The following WNK1 variants were observed in gnomAD, a reference collection of about 807,000 sequenced individuals.
WNK1 encodes serine/threonine-protein kinase WNK1.
A neutral mutation model predicts 222.8 loss-of-function variants in WNK1; 38 were observed. That is an observed-to-expected ratio of 0.17 (90% CI 0.13 to 0.22). The LOEUF (loss-of-function observed/expected upper bound fraction) is 0.22, where lower values mean the gene tolerates loss of function less well. WNK1 is among the 10% of genes least tolerant of loss of function. WNK1 has a pLI of 1.00. For synonymous variants in WNK1, 1,090 were observed against 1,092.9 expected (o/e 1.00, Z 0.05); for missense variants, 2,348 against 2,918.4 (o/e 0.80, Z 4.50).
At chr12:806,986 G>T (rs533842512) in intron 1 of WNK1, among the ~76,000 whole-genome samples, 2 of 151,986 alleles carry the variant, frequency 1.3e-5, no homozygotes, top group Non-Finnish European at 2.9e-5. Context: ...AAATCTTCTC[G>T]CTGGGCTTCT....
intron 1 of WNK1, among the ~76,000 whole-genome samples, chr12:758,024 G>A (rs1940411235): frequency 8.1e-6 from 1 of 123,300 alleles, no homozygotes. Context: ...GACAGGGTGA[G>A]ACTCTGTCTC....
At chr12:881,142 C>T (rs577742595) in intron 12 of WNK1, 143 bp downstream of exon 12, 5 of 1,108,524 alleles carry the variant, frequency 4.5e-6, no homozygotes, top group Non-Finnish European at 6.5e-6. Flanking sequence ...CTTTTTCTTA[C>T]AGCAGAATGA....
chr12:830,022 C>G lies in WNK1; in HGVS notation c.1173C>G (p.Ala391=). The change falls in exon 4 of 28, where the codon GCC becomes GCG. Residue 391 remains alanine (A), a synonymous_variant. Coordinates refer to ENST00000315939, the MANE Select transcript of WNK1 (RefSeq NM_018979.4). ...TTTAAGGTACCCCAGAGTTCATGGC[C>G]CCTGAGATGTATGAGGAGAAATATG... ...KSVIGTPEFM[A]PEMYEEKYDE... The G allele has an allele frequency of 6.2e-7, 1 of 1,614,018 alleles. No homozygotes were observed.
rs1953582555 is a variant in WNK1, at chr12:885,659, C to G, written c.4855C>G (p.His1619Asp). ...NVPAVQQTLI[H>D]SQPQPALLPN... ...GCCTGCTGTACAGCAGACACTAATT[C>G]ATAGTCAGCCTCAACCAGCTTTGCT... The change falls in exon 19 of 28, where the codon CAT (histidine) becomes GAT (aspartate). Residue 1619 changes from histidine to aspartate, a missense_variant. His to Asp is a moderately conservative substitution (Grantham distance 81). Around this residue, in one of 13 missense-constraint regions of WNK1, gnomAD observed 1,144 missense variants for 1,273.6 expected, o/e 0.90. Transcript: ENST00000315939. 6.2e-7 allele frequency: 1 copy of G among 1,614,092 alleles called. No individual in the cohort carries two copies. Among genetic ancestry groups the G allele is most frequent in the Non-Finnish European group, 8.5e-7 (1 of 1,180,042 alleles).
At position 883,875 on chromosome 12, in the gene WNK1, G is replaced by A. The variant is rs371356276; in HGVS notation, c.3721+44G>A. The A allele has an allele frequency of 2.5e-6, 4 of 1,606,250 alleles. No individual in the cohort carries two copies. In the African/African-American group the frequency reaches 4.0e-5, roughly 16 times the overall value. ...CTTGTTTTTACCTTTGACTTAAGAA[G>A]CCATTAGCCGAGGGTGGTGGCAGGC... On this transcript the variant is annotated intron_variant, in intron 17 of 27. Transcript: ENST00000315939.
At chr12:851,626 C>T in intron 4 of WNK1, 2 of 1,279,878 alleles carry the variant, frequency 1.6e-6, no homozygotes, top group South Asian at 2.5e-5. Context: ...ATGCTGTGGG[C>T]TGATGTACAT....
In WNK1 at chr12:882,979, T is replaced by C; in HGVS notation, c.3409T>C (p.Leu1137=). 1 of 1,613,750 alleles carries C rather than the reference T, an allele frequency of 6.2e-7. No individual in the cohort carries two copies. Among genetic ancestry groups the C allele is most frequent in the Non-Finnish European group, 8.5e-7 (1 of 1,179,676 alleles). The stretch of plus-strand genomic sequence containing the variant: ...AGGAGACCGAGTAGTAGAATGTCAA[T>C]TAGAGACTCATAATAGGAAAATGGT... The part of the protein sequence containing the change: ...NKGDRVVECQ[L]ETHNRKMVTF... The change falls in exon 15 of 28, where the codon TTA becomes CTA. Residue 1137 remains leucine, a synonymous_variant. Coordinates refer to ENST00000315939, the MANE Select transcript of WNK1 (RefSeq NM_018979.4).
At chr12:849,359 C>T (rs1372929036) in intron 4 of WNK1, among the ~76,000 whole-genome samples, 1 of 152,156 alleles carries the variant, frequency 6.6e-6, no homozygotes, top group Non-Finnish European at 1.5e-5. Context: ...TAATCTGTTA[C>T]CCATTACAAC....
At chr12:897,238 G>T (rs1954832489) in intron 24 of WNK1, among the ~76,000 whole-genome samples, 1 of 152,116 alleles carries the variant, frequency 6.6e-6, no homozygotes, top group Non-Finnish European at 1.5e-5. Context: ...GTCAGGAAAT[G>T]TTTTTCTCCT....
In WNK1 at chr12:867,884, C is replaced by T. The variant is rs940318750; in HGVS notation, c.2140-3381C>T. 5 of 1,613,860 alleles carry T rather than the reference C, an allele frequency of 3.1e-6. No individual in the cohort carries two copies. In the African/African-American group the frequency reaches 6.7e-5, roughly 22 times the overall value. On this transcript the variant is annotated intron_variant, in intron 8 of 27. Transcript: ENST00000315939. ...GATACAGCCTCAGTCCATGGCGCAT[C>T]CGTGTGGGGGGACCCCAACATACCC...
chr12:757,333 T>TTA (rs1491212965), intron 1 of WNK1, among the ~76,000 whole-genome samples: 2,339 of 71,690 alleles, frequency 0.033, 63 homozygotes, highest in Non-Finnish European at 0.036. Flanking sequence ...TTTTTTTTTT[T>TTA]AAAAAAAAAA....
rs528692788 is a variant in WNK1, at chr12:908,968, C to T, written c.*176C>T. The T allele has an allele frequency of 9.6e-6, 7 of 727,848 alleles. No homozygotes were observed. Among genetic ancestry groups the T allele is most frequent in the Middle Eastern group, 3.9e-4 (1 of 2,576 alleles). 45.1% of individuals were successfully genotyped at this position (727,848 alleles called of 1,614,324 possible). On this transcript the variant is annotated 3_prime_UTR_variant, in exon 28 of 28. Coordinates refer to ENST00000315939, the MANE Select transcript of WNK1 (RefSeq NM_018979.4). ...AGCCCTCAGAATGGAGAGTCTCCCC[C>T]GCTCCAGTTATTGGAATGGGAGAGG...
In WNK1 at chr12:880,770, C is replaced by T. The variant is rs1484048633; in HGVS notation, c.2882C>T (p.Ala961Val). The change falls in exon 12 of 28, where the codon GCT becomes GTT. Residue 961 changes from alanine to valine, a missense_variant. Coordinates refer to ENST00000315939, the MANE Select transcript of WNK1 (RefSeq NM_018979.4). ...CAGTACCCAGGAGATTCAAATATTGCTCCCTCTTCCAACGTGGCTTCTGTT... is the reference window on the plus strand; with the variant it reads ...CAGTACCCAGGAGATTCAAATATTGTTCCCTCTTCCAACGTGGCTTCTGTT... Reference protein sequence around the residue: ...PPQYPGDSNIAPSSNVASVCI... With the variant: ...PPQYPGDSNIVPSSNVASVCI... 6.2e-7 allele frequency: 1 copy of T among 1,613,948 alleles called. No homozygotes were observed. The highest frequency in any genetic ancestry group is 8.5e-7 in the Non-Finnish European group (1 of 1,180,018).
chr12:853,227 A>G (rs1950534191), intron 4 of WNK1, among the ~76,000 whole-genome samples: 1 of 152,218 alleles, frequency 6.6e-6, no homozygotes, highest in African/African-American at 2.4e-5. Context: ...AAAAAGCAGC[A>G]TAACCTACCA....
At chr12:765,637 T>C (rs1249086889) in intron 1 of WNK1, among the ~76,000 whole-genome samples, 1 of 152,058 alleles carries the variant, frequency 6.6e-6, no homozygotes, top group Non-Finnish European at 1.5e-5. Flanking sequence ...TTAAAAAATA[T>C]AACGATATGA....
chr12:806,016 T>G (rs1946339825), intron 1 of WNK1, among the ~76,000 whole-genome samples: 1 of 152,196 alleles, frequency 6.6e-6, no homozygotes, highest in African/African-American at 2.4e-5. Flanking sequence ...CAACAGCCTA[T>G]TTCAGCCTGT....
At chr12:900,392 CA>C (rs1955156264) in intron 25 of WNK1, 83 bp from the exon 26 acceptor site, 2 of 1,498,830 alleles carry the variant, frequency 1.3e-6, no homozygotes, top group Non-Finnish European at 1.9e-6. Context: ...CTCAGTGGAA[CA>C]AACCAAATGT....
At chr12:876,403 C>T (rs968775772) in intron 9 of WNK1, among the ~76,000 whole-genome samples, 19 of 151,226 alleles carry the variant, frequency 1.3e-4, no homozygotes, top group Admixed American at 7.2e-4. Flanking sequence ...AGCGAGACTC[C>T]GTGTCAAAAA....
rs1486201988 is a variant in WNK1, at chr12:883,672, C to A, written c.3664-102C>A. 4 of 1,594,832 alleles carry A rather than the reference C, an allele frequency of 2.5e-6. No individual in the cohort carries two copies. The African/African-American group carries it at 5.4e-5, about 21-fold the overall frequency. On this transcript the variant is annotated intron_variant, in intron 16 of 27. Transcript: ENST00000315939. ...CAGTGATATCACCTGACACCCATGACCGACAACAAACTTTTATGTTCTCTT... is the reference window on the plus strand; with the variant it reads ...CAGTGATATCACCTGACACCCATGAACGACAACAAACTTTTATGTTCTCTT...
Sources: allele counts gnomAD v4.1 joint callset (sites outside exome capture counted in the v4.1 genomes callset), GRCh38; gene constraint gnomAD v4.1.1; regional missense constraint gnomAD v4.1.1; transcripts MANE v1.5; gene names NCBI Gene and HGNC (gene_info 2026-07-23, HGNC 2026-07-21).